Variants in ARMH3 observed in about 807,000 individuals in gnomAD.
ARMH3 encodes the protein armadillo like helical domain containing 3.
A neutral mutation model predicts 99.1 loss-of-function variants in ARMH3; 60 were observed. The observed-to-expected ratio is 0.61, with a 90% CI of 0.49 to 0.75. The LOEUF is 0.75. ARMH3 is among the 30% of genes least tolerant of loss of function. ARMH3 has a pLI of 0.00. For synonymous variants in ARMH3, 285 were observed against 292.8 expected, an observed-to-expected ratio of 0.97 and a Z score of 0.27; for missense variants, 679 against 843.1, an observed-to-expected ratio of 0.81 and a Z score of 2.41.
At chr10:101,991,593 C>G (rs1270339079) in intron 18 of ARMH3, among the ~76,000 whole-genome samples, 1 of 152,152 alleles carries the variant, frequency 6.6e-6, no homozygotes, top group African/African-American at 2.4e-5. Context: ...GTTGGCCAAG[C>G]TGATCTCAAA....
chr10:101,898,212 G>C (rs1367370073), intron 23 of ARMH3, among the ~76,000 whole-genome samples: 1 of 151,502 alleles, frequency 6.6e-6, no homozygotes, highest in African/African-American at 2.4e-5. Flanking sequence ...AATTAGCTGG[G>C]CATGGTGACA....
At chr10:102,016,803 A>G (rs913051045) in intron 8 of ARMH3, among the ~76,000 whole-genome samples, 4 of 152,218 alleles carry the variant, frequency 2.6e-5, no homozygotes, top group African/African-American at 7.2e-5. Flanking sequence ...GAGTCTTCAC[A>G]GTATCACTCT....
intron 20 of ARMH3, among the ~76,000 whole-genome samples, chr10:101,959,154 TG>T (rs1469812376): frequency 6.6e-6 from 1 of 152,152 alleles, no homozygotes; most frequent in Admixed American, 6.5e-5. Flanking sequence ...TCTGTTGGAC[TG>T]GGGGGACAAA....
chr10:102,029,512 A>G, intron 5 of ARMH3, 126 bp downstream of exon 5: 5 of 1,589,740 alleles, frequency 3.1e-6, no homozygotes, highest in East Asian at 2.3e-5. Flanking sequence ...ATCTAAATGC[A>G]AGGCCAAATT....
chr10:101,986,355 G>C (rs1158063645), intron 19 of ARMH3, among the ~76,000 whole-genome samples: 1 of 152,150 alleles, frequency 6.6e-6, no homozygotes, highest in East Asian at 1.9e-4. Flanking sequence ...TGGTGGCAGT[G>C]AGAGTGGCAG....
At chr10:101,916,755 T>C (rs1452117039) in intron 23 of ARMH3, among the ~76,000 whole-genome samples, 1 of 152,136 alleles carries the variant, frequency 6.6e-6, no homozygotes, top group Non-Finnish European at 1.5e-5. Flanking sequence ...GTAAAGAAGA[T>C]CCACCCTCAC....
intron 1 of ARMH3, among the ~76,000 whole-genome samples, chr10:102,054,714 G>A (rs1564891297): frequency 6.6e-6 from 1 of 152,154 alleles, no homozygotes; most frequent in South Asian, 2.1e-4. Context: ...AACTTTTTCT[G>A]GCCGGGCGCA....
intron 19 of ARMH3, among the ~76,000 whole-genome samples, chr10:101,985,542 C>T (rs1419032989): frequency 7.9e-5 from 12 of 151,650 alleles, no homozygotes. Context: ...AGCAAAACTC[C>T]CATCTCTACA....
At chr10:101,990,821 C>T (rs539065155) in intron 18 of ARMH3, among the ~76,000 whole-genome samples, 1 of 152,318 alleles carries the variant, frequency 6.6e-6, no homozygotes, top group South Asian at 2.1e-4. Context: ...GAAATTATTT[C>T]ACTTGCTGAC....
chr10:102,010,287 G>T (rs899470266), intron 11 of ARMH3, among the ~76,000 whole-genome samples: 1 of 152,274 alleles, frequency 6.6e-6, no homozygotes, highest in African/African-American at 2.4e-5. Flanking sequence ...TCGCTTTAAA[G>T]AAAAAGCCTA....
At chr10:102,049,363 G>C (rs1281231025) in intron 1 of ARMH3, among the ~76,000 whole-genome samples, 1 of 152,028 alleles carries the variant, frequency 6.6e-6, no homozygotes, top group Non-Finnish European at 1.5e-5. Flanking sequence ...CCAACATGCA[G>C]AAACCCCGTC....
intron 23 of ARMH3, among the ~76,000 whole-genome samples, chr10:101,901,077 G>A (rs980683104): frequency 2.6e-5 from 4 of 151,504 alleles, no homozygotes; most frequent in African/African-American, 9.7e-5. Context: ...GAGAAAAAGA[G>A]GCATATGAAT....
intron 24 of ARMH3, among the ~76,000 whole-genome samples, chr10:101,853,177 C>G (rs2066647249): frequency 6.6e-6 from 1 of 151,784 alleles, no homozygotes; most frequent in Non-Finnish European, 1.5e-5. Flanking sequence ...AGGCGTGAGT[C>G]ACAGCGCCCG....
intron 23 of ARMH3, among the ~76,000 whole-genome samples, chr10:101,932,705 T>C (rs1392664708): frequency 6.6e-6 from 1 of 152,154 alleles, no homozygotes; most frequent in Non-Finnish European, 1.5e-5. Flanking sequence ...GTTCCTAAAA[T>C]AGTCAAATTC....
chr10:101,972,456 T>A (rs1845811576), intron 20 of ARMH3, among the ~76,000 whole-genome samples: 1 of 152,170 alleles, frequency 6.6e-6, no homozygotes. Flanking sequence ...TATATACACA[T>A]AAGCATATTT....
intron 5 of ARMH3, among the ~76,000 whole-genome samples, chr10:102,027,098 G>A (rs2067015788): frequency 6.6e-6 from 1 of 152,120 alleles, no homozygotes; most frequent in Non-Finnish European, 1.5e-5. Context: ...GGCCAACAGG[G>A]TGAAACCCTG....
At chr10:101,862,289 C>T (rs1416270603) in intron 24 of ARMH3, among the ~76,000 whole-genome samples, 1 of 151,966 alleles carries the variant, frequency 6.6e-6, no homozygotes, top group Non-Finnish European at 1.5e-5. Flanking sequence ...TTTGAAGGTG[C>T]ACTATGGCCG....
chr10:101,997,142 G>A (rs578107338), intron 15 of ARMH3, among the ~76,000 whole-genome samples: 51 of 151,918 alleles, frequency 3.4e-4, no homozygotes, highest in Non-Finnish European at 6.9e-4. Flanking sequence ...GCATGCACCT[G>A]TAATCCCAGC....
intron 19 of ARMH3, among the ~76,000 whole-genome samples, chr10:101,985,156 GTA>G (rs1169015720): frequency 7.0e-6 from 1 of 143,822 alleles, no homozygotes; most frequent in Non-Finnish European, 1.5e-5. Context: ...TAAATATAAT[GTA>G]TATATACGTG....
Sources: gnomAD v4.1 joint callset for allele counts (sites outside exome capture counted in the v4.1 genomes callset) on GRCh38, gnomAD v4.1.1 for gene constraint, MANE v1.5 for transcripts, NCBI Gene and HGNC (gene_info 2026-07-23, HGNC 2026-07-21) for gene names.